Variants in IPPK observed in about 807,000 individuals in gnomAD.
IPPK encodes IPK1 homolog.
Under a neutral mutation model 64.6 loss-of-function variants are expected in IPPK, and 22 were observed. That is an observed-to-expected ratio of 0.34 (90% CI 0.24 to 0.49). IPPK has a LOEUF of 0.49. IPPK is among the 20% of genes least tolerant of loss of function. The pLI is 0.99. For synonymous variants in IPPK, 262 were observed against 247.2 expected (o/e 1.06, Z -0.56); for missense variants, 532 against 630.7 (o/e 0.84, Z 1.68).
chr9:92,643,053 G>C (rs1852083086), intron 6 of IPPK, among the ~76,000 whole-genome samples: 1 of 152,260 alleles, frequency 6.6e-6, no homozygotes, highest in Non-Finnish European at 1.5e-5. Flanking sequence ...CCCCAGGCCA[G>C]CCCTTCACAG....
intron 4 of IPPK, 106 bp from the exon 5 acceptor site, chr9:92,649,680 T>C: frequency 7.5e-7 from 1 of 1,325,284 alleles, no homozygotes; most frequent in Non-Finnish European, 1.0e-6. Context: ...GGGGCATCTC[T>C]GTACCTGATG....
chr9:92,667,189 CCT>C (rs1587648839), intron 1 of IPPK, among the ~76,000 whole-genome samples: 1 of 152,174 alleles, frequency 6.6e-6, no homozygotes, highest in East Asian at 1.9e-4. Context: ...CAAAGGCCTC[CCT>C]CTCTCTTGGA....
chr9:92,628,889 A>C (rs1344997430), intron 11 of IPPK, among the ~76,000 whole-genome samples: 10 of 152,014 alleles, frequency 6.6e-5, no homozygotes, highest in Middle Eastern at 3.2e-3. Flanking sequence ...CAAAAAAAAA[A>C]CAAAAAAATG....
At chr9:92,654,379 C>T (rs1350740922) in intron 3 of IPPK, among the ~76,000 whole-genome samples, 3 of 151,978 alleles carry the variant, frequency 2.0e-5, no homozygotes, top group Admixed American at 2.0e-4. Flanking sequence ...TAGCTGGGTG[C>T]GGTGGTGCGC....
chr9:92,628,456 G>A (rs1025672533), intron 11 of IPPK, among the ~76,000 whole-genome samples: 4 of 152,234 alleles, frequency 2.6e-5, no homozygotes, highest in African/African-American at 4.8e-5. Flanking sequence ...ACAGGGTACT[G>A]GCATAAGTGC....
chr9:92,656,836 C>T (rs534337691), intron 2 of IPPK, among the ~76,000 whole-genome samples: 19 of 152,316 alleles, frequency 1.2e-4, no homozygotes, highest in African/African-American at 4.8e-5. Context: ...TCTCCCAAAG[C>T]GGCCCCTACA....
chr9:92,644,656 T>C (rs1852115803), intron 6 of IPPK, among the ~76,000 whole-genome samples: 1 of 152,210 alleles, frequency 6.6e-6, no homozygotes, highest in Non-Finnish European at 1.5e-5. Flanking sequence ...GGAAACCCAC[T>C]AGCTGCCCAC....
chr9:92,644,066 T>G (rs373976019), intron 6 of IPPK, among the ~76,000 whole-genome samples: 5 of 152,158 alleles, frequency 3.3e-5, no homozygotes, highest in African/African-American at 1.2e-4. Context: ...GTCTTTCCCC[T>G]AAGAGCTTAG....
intron 1 of IPPK, 73 bp downstream of exon 1, chr9:92,669,835 C>T: frequency 1.7e-6 from 2 of 1,160,284 alleles, no homozygotes; most frequent in South Asian, 1.3e-5. Flanking sequence ...GTTGAGGAAA[C>T]GGATAATGGG....
intron 4 of IPPK, among the ~76,000 whole-genome samples, chr9:92,650,197 C>T (rs892226212): frequency 1.3e-5 from 2 of 150,168 alleles, no homozygotes; most frequent in African/African-American, 4.9e-5. Context: ...GTGGCATGCA[C>T]CTGTAATCCC....
intron 1 of IPPK, among the ~76,000 whole-genome samples, chr9:92,660,559 G>A (rs562261231): frequency 6.6e-6 from 1 of 152,216 alleles, no homozygotes; most frequent in Non-Finnish European, 1.5e-5. Context: ...AAGCAGTCCT[G>A]ATCAGGGTGA....
At chr9:92,634,321 A>C in intron 11 of IPPK, 65 bp downstream of exon 11, 1 of 1,190,248 alleles carries the variant, frequency 8.4e-7, no homozygotes, top group African/African-American at 1.5e-5. Context: ...TACAAAAAAC[A>C]AAAAAACAGA....
chr9:92,617,160 G>A (rs1256007338), intron 12 of IPPK: 1 of 152,190 alleles, frequency 6.6e-6, no homozygotes, highest in Non-Finnish European at 1.5e-5. Flanking sequence ...CGCTCCAGAA[G>A]CTGGAGTGTG....
At chr9:92,668,375 T>C (rs1236813091) in intron 1 of IPPK, among the ~76,000 whole-genome samples, 2 of 152,202 alleles carry the variant, frequency 1.3e-5, no homozygotes, top group African/African-American at 2.4e-5. Flanking sequence ...GGTGGACACA[T>C]ACTTGTCTGG....
At chr9:92,621,507 CTTTTTTTT>C (rs58003734) in intron 11 of IPPK, among the ~76,000 whole-genome samples, 2 of 87,814 alleles carry the variant, frequency 2.3e-5, no homozygotes, top group Non-Finnish European at 4.2e-5. Flanking sequence ...AATACCATTC[CTTTTTTTT>C]TTTTTTTTTT....
At chr9:92,642,930 C>T (rs1196620699) in intron 6 of IPPK, 120 bp from the exon 7 acceptor site, 8 of 833,294 alleles carry the variant, frequency 9.6e-6, no homozygotes, top group East Asian at 5.0e-5. Flanking sequence ...AGCCTTGCCC[C>T]GGAAAAGGTG....
intron 6 of IPPK, among the ~76,000 whole-genome samples, chr9:92,643,075 A>G (rs573310712): frequency 6.6e-6 from 1 of 152,398 alleles, no homozygotes; most frequent in Admixed American, 6.5e-5. Context: ...AGCAGGGAAG[A>G]AAGTGGCAAA....
In IPPK at chr9:92,649,543, G is replaced by A; in HGVS notation, c.324C>T (p.Leu108=). 1 of 1,614,138 alleles carries A rather than the reference G, an allele frequency of 6.2e-7. No individual in the cohort carries two copies. Among genetic ancestry groups the A allele is most frequent in the South Asian group, 1.1e-5 (1 of 91,078 alleles). ...TAGGAAGGCACATAGCGTAACCACTGAGAGTATCCAGGTCCTTGTCACAGC... is the reference window on the plus strand; with the variant it reads ...TAGGAAGGCACATAGCGTAACCACTAAGAGTATCCAGGTCCTTGTCACAGC... ...ESRCDKDLDT[L]SGYAMCLPNL... Residue 108 remains leucine, a synonymous_variant, in exon 5 of 13, where the codon CTC becomes CTT. Coordinates refer to ENST00000287996, the MANE Select transcript of IPPK (RefSeq NM_022755.6).
At chr9:92,627,039 A>T (rs1485065441) in intron 11 of IPPK, among the ~76,000 whole-genome samples, 1 of 152,172 alleles carries the variant, frequency 6.6e-6, no homozygotes, top group Non-Finnish European at 1.5e-5. Context: ...CCCTTCACTA[A>T]GATAGCTTCT....
Sources: allele counts gnomAD v4.1 joint callset (sites outside exome capture counted in the v4.1 genomes callset), GRCh38; gene constraint gnomAD v4.1.1; transcripts MANE v1.5; gene names NCBI Gene and HGNC (gene_info 2026-07-23, HGNC 2026-07-21).